Variants in PCDHA2 observed in about 807,000 individuals in gnomAD.
PCDHA2 encodes protocadherin alpha 2, also known as protocadherin alpha-2.
PCDHA2 carries 58 observed loss-of-function variants against 66.0 expected under a neutral mutation model. That is an observed-to-expected ratio of 0.88 (90% CI 0.71 to 1.09). PCDHA2 has a LOEUF of 1.09. PCDHA2 is among the 50% of genes least tolerant of loss of function. The pLI is 0.00. For missense variants in PCDHA2, 1,267 were observed against 1,242.3 expected (o/e 1.02, Z -0.30); for synonymous variants, 634 against 554.0 (o/e 1.14, Z -2.03).
intron 1 of PCDHA2, among the ~76,000 whole-genome samples, chr5:140,884,893 G>T (rs1186873075): frequency 1.3e-5 from 2 of 152,138 alleles, no homozygotes; most frequent in East Asian, 1.9e-4. Context: ...AGAATATTTT[G>T]TTTCTGTTGT....
At chr5:140,802,609 G>C (rs1194686534) in intron 1 of PCDHA2, 9 of 1,613,854 alleles carry the variant, frequency 5.6e-6, no homozygotes, top group Non-Finnish European at 7.6e-6. Context: ...AACCCGCCGG[G>C]CTGCCACATC....
At position 140,870,703 on chromosome 5, in the gene PCDHA2, G is replaced by C. The variant is rs899824906; in HGVS notation, c.2388+73351G>C. On this transcript the variant is annotated intron_variant, in intron 1 of 3. Coordinates refer to ENST00000526136, the MANE Select transcript of PCDHA2 (RefSeq NM_018905.3). ...GGAGCTGGAGCTGCTACAGTTCCAG[G>C]TGAGCGCGCGCGATGCGGGCGTGCC... is the stretch of plus-strand genomic sequence containing the variant. 6 of 1,613,034 alleles carry C rather than the reference G, an allele frequency of 3.7e-6. No homozygotes were observed. In the Admixed American group the frequency reaches 1.0e-4, roughly 27 times the overall value.
intron 1 of PCDHA2, among the ~76,000 whole-genome samples, chr5:140,964,638 A>T (rs1402541821): frequency 3.9e-5 from 6 of 152,098 alleles, no homozygotes; most frequent in Admixed American, 2.0e-4. Context: ...ATTTATTTTC[A>T]GAAACAAGTA....
rs782172629 is a variant in PCDHA2, at chr5:140,803,281, A to G, written c.2388+5929A>G. 3 of 1,614,042 alleles carry G rather than the reference A, an allele frequency of 1.9e-6. No homozygotes were observed. In the Middle Eastern group the frequency reaches 4.9e-4, roughly 266 times the overall value. On this transcript the variant is annotated intron_variant, in intron 1 of 3. Transcript: ENST00000526136. ...ACGGGCCCGGAAGCTGCACTGGTGGATGTCAACGTGTACTTGATCGTCGCC... is the reference window on the plus strand; with the variant it reads ...ACGGGCCCGGAAGCTGCACTGGTGGGTGTCAACGTGTACTTGATCGTCGCC...
intron 1 of PCDHA2, chr5:140,966,881 C>A: frequency 6.3e-7 from 1 of 1,589,072 alleles, no homozygotes. Context: ...GCTACCTGGC[C>A]CTGCGGCCTC....
At chr5:140,839,253 T>C (rs1187384033) in intron 1 of PCDHA2, among the ~76,000 whole-genome samples, 1 of 152,096 alleles carries the variant, frequency 6.6e-6, no homozygotes, top group African/African-American at 2.4e-5. Flanking sequence ...CTTTTATGCT[T>C]ACATGCATGT....
At chr5:140,841,506 G>A in intron 1 of PCDHA2, 1 of 1,613,388 alleles carries the variant, frequency 6.2e-7, no homozygotes, top group Non-Finnish European at 8.5e-7. Context: ...CTGGTGCCGC[G>A]CCTGTTCCGG....
In PCDHA2 at chr5:140,856,841, G is replaced by C. The variant is rs781868199; in HGVS notation, c.2388+59489G>C. The C allele has an allele frequency of 2.2e-5, 35 of 1,592,304 alleles. 4 individuals are homozygous for C. The Middle Eastern group carries it at 5.0e-4, about 23-fold the overall frequency. ...CCAAACATTAGTAATACGGCTCAAC[G>C]CTTCTGATTCGGATGAAGGAATAAA... On this transcript the variant is annotated intron_variant, in intron 1 of 3. Coordinates refer to ENST00000526136, the MANE Select transcript of PCDHA2 (RefSeq NM_018905.3).
intron 3 of PCDHA2, among the ~76,000 whole-genome samples, chr5:140,983,660 A>G (rs1460631508): frequency 6.6e-6 from 1 of 152,244 alleles, no homozygotes; most frequent in African/African-American, 2.4e-5. Context: ...TAAGTGGCAG[A>G]GGGTAGGATT....
chr5:140,808,810 C>T lies in PCDHA2; in HGVS notation c.2388+11458C>T, dbSNP rs536397665. Reference sequence around the variant, plus strand: ...TTCAGGTGACCGCTCGCGATGCCGGCGTGCCACCTCTGGGCAGCAACGTGA... The same window carrying T: ...TTCAGGTGACCGCTCGCGATGCCGGTGTGCCACCTCTGGGCAGCAACGTGA... On this transcript the variant is annotated intron_variant, in intron 1 of 3. Coordinates refer to ENST00000526136, the MANE Select transcript of PCDHA2 (RefSeq NM_018905.3). The T allele has an allele frequency of 2.5e-6, 4 of 1,612,770 alleles. No individual in the cohort carries two copies. In the African/African-American group the frequency reaches 5.3e-5, roughly 21 times the overall value.
intron 1 of PCDHA2, among the ~76,000 whole-genome samples, chr5:140,972,087 A>G (rs1372467840): frequency 3.3e-5 from 5 of 152,192 alleles, no homozygotes; most frequent in Non-Finnish European, 7.3e-5. Context: ...AAAAAGAGTA[A>G]TTTCTGGCAT....
At chr5:140,828,479 C>T in intron 1 of PCDHA2, 1 of 1,614,204 alleles carries the variant, frequency 6.2e-7, no homozygotes, top group Non-Finnish European at 8.5e-7. Context: ...TAACGACAAC[C>T]CGCCCTTGTT....
chr5:140,980,465 A>G (rs1170047538), intron 2 of PCDHA2, among the ~76,000 whole-genome samples: 4 of 152,184 alleles, frequency 2.6e-5, no homozygotes, highest in African/African-American at 9.7e-5. Flanking sequence ...CCCTGTCTCT[A>G]CTAAAAATAC....
At chr5:140,799,863 T>C (rs1214913201) in intron 1 of PCDHA2, among the ~76,000 whole-genome samples, 1 of 152,142 alleles carries the variant, frequency 6.6e-6, no homozygotes, top group South Asian at 2.1e-4. Flanking sequence ...TTCTCTAAAT[T>C]TGACCTCTTT....
chr5:140,823,485 T>C, intron 1 of PCDHA2: 1 of 1,613,360 alleles, frequency 6.2e-7, no homozygotes, highest in South Asian at 1.1e-5. Flanking sequence ...CTCGAGTGGG[T>C]GGCACCGGCG....
chr5:140,826,192 C>A (rs1297520917), intron 1 of PCDHA2, among the ~76,000 whole-genome samples: 3 of 152,134 alleles, frequency 2.0e-5, no homozygotes, highest in East Asian at 1.9e-4. Flanking sequence ...CTAAAGTTAA[C>A]AATGGTCACA....
rs2150346184 is a variant in PCDHA2, at chr5:140,842,847, C to T, written c.2388+45495C>T. 8 of 1,593,796 alleles carry T rather than the reference C, an allele frequency of 5.0e-6. 1 individual carries two copies. Among genetic ancestry groups the T allele is most frequent in the Non-Finnish European group, 1.7e-6 (2 of 1,165,370 alleles). On this transcript the variant is annotated intron_variant, in intron 1 of 3. Coordinates refer to ENST00000526136, the MANE Select transcript of PCDHA2 (RefSeq NM_018905.3). ...GAGCGCTCGCTGTCGAGCTACATTT[C>T]GGTGCACACGGAGAGCGGCAAGGTG...
chr5:140,826,367 T>A (rs1304038194), intron 1 of PCDHA2, among the ~76,000 whole-genome samples: 2 of 152,176 alleles, frequency 1.3e-5, no homozygotes, highest in African/African-American at 2.4e-5. Context: ...ATAACTGCAA[T>A]AGAAAGTCAG....
chr5:140,938,014 T>C (rs1554211943), intron 1 of PCDHA2, among the ~76,000 whole-genome samples: 6 of 152,220 alleles, frequency 3.9e-5, no homozygotes. Context: ...TCTTGCTAAA[T>C]AGTAAAATCT....
Sources: gnomAD v4.1 joint callset for allele counts (sites outside exome capture counted in the v4.1 genomes callset) on GRCh38, gnomAD v4.1.1 for gene constraint, MANE v1.5 for transcripts, NCBI Gene and HGNC (gene_info 2026-07-23, HGNC 2026-07-21) for gene names.